The following TIAM1 variants were observed in gnomAD, a reference collection of about 807,000 sequenced individuals.
TIAM1 encodes TIAM Rac1 associated GEF 1.
A neutral mutation model predicts 163.5 loss-of-function variants in TIAM1; 65 were observed. The ratio of observed to expected loss-of-function variants is 0.40; its 90% CI spans 0.33 to 0.49. TIAM1 has a LOEUF of 0.49. TIAM1 is among the 20% of genes least tolerant of loss of function. The pLI, the probability that TIAM1 is intolerant of heterozygous loss-of-function variation, is 0.77. For missense variants in TIAM1, 1,789 were observed against 2,044.7 expected (o/e 0.87, Z 2.41); for synonymous variants, 833 against 810.1 (o/e 1.03, Z -0.48).
intron 18 of TIAM1, 50 bp from the exon 19 acceptor site, chr21:31,152,811 A>G: frequency 6.3e-7 from 1 of 1,593,292 alleles, no homozygotes; most frequent in Non-Finnish European, 8.5e-7. Flanking sequence ...TAGTCTTCCT[A>G]AACGTTATTT....
chr21:31,125,767 G>T (rs1014035114), intron 26 of TIAM1, among the ~76,000 whole-genome samples: 2 of 152,170 alleles, frequency 1.3e-5, no homozygotes, highest in Admixed American at 6.5e-5. Context: ...TGGAGACGGG[G>T]CTTTGCCATG....
At chr21:31,482,340 C>T (rs1336600575) in intron 1 of TIAM1, among the ~76,000 whole-genome samples, 1 of 151,986 alleles carries the variant, frequency 6.6e-6, no homozygotes, top group Admixed American at 6.6e-5. Context: ...ATAGTAGAGA[C>T]AGGGTTTCAC....
chr21:31,155,509 C>CTT (rs58016661), intron 16 of TIAM1, among the ~76,000 whole-genome samples: 2 of 146,932 alleles, frequency 1.4e-5, no homozygotes, highest in Admixed American at 1.4e-4. Context: ...AATTTTCTTA[C>CTT]TTTTTTTTTT....
At chr21:31,247,516 T>G (rs775197940) in intron 5 of TIAM1, among the ~76,000 whole-genome samples, 7 of 151,862 alleles carry the variant, frequency 4.6e-5, no homozygotes, top group Non-Finnish European at 1.0e-4. Flanking sequence ...TATCTCAGCC[T>G]CCCAAATAGC....
chr21:31,491,954 A>G (rs2046482123), intron 1 of TIAM1, among the ~76,000 whole-genome samples: 1 of 152,260 alleles, frequency 6.6e-6, no homozygotes, highest in Non-Finnish European at 1.5e-5. Flanking sequence ...CTGACTGGAT[A>G]GAAAATTTCT....
At chr21:31,451,760 T>TGTGTGTGTGA (rs1491328799) in intron 2 of TIAM1, among the ~76,000 whole-genome samples, 28 of 138,118 alleles carry the variant, frequency 2.0e-4, no homozygotes, top group African/African-American at 8.2e-4. Flanking sequence ...TGTGTGTGTG[T>TGTGTGTGTGA]GAGACACAGA....
At chr21:31,539,629 G>A (rs1035086639) in intron 1 of TIAM1, among the ~76,000 whole-genome samples, 8 of 152,092 alleles carry the variant, frequency 5.3e-5, no homozygotes, top group Non-Finnish European at 8.8e-5. Flanking sequence ...TGGACACTCC[G>A]GACTGCTTCA....
intron 2 of TIAM1, among the ~76,000 whole-genome samples, chr21:31,401,201 T>C (rs1241631793): frequency 6.6e-6 from 1 of 152,208 alleles, no homozygotes; most frequent in Non-Finnish European, 1.5e-5. Context: ...CTAAGTTAAT[T>C]CAAAAGCATG....
At chr21:31,282,347 C>T (rs1174797460) in intron 2 of TIAM1, among the ~76,000 whole-genome samples, 4 of 152,174 alleles carry the variant, frequency 2.6e-5, no homozygotes, top group Admixed American at 2.6e-4. Flanking sequence ...TTTTTAAAAA[C>T]CGCAATTCAG....
intron 1 of TIAM1, among the ~76,000 whole-genome samples, chr21:31,481,176 C>A (rs992167359): frequency 1.3e-5 from 2 of 152,166 alleles, no homozygotes; most frequent in Non-Finnish European, 2.9e-5. Context: ...TTTCTGTGTC[C>A]TCACATGGCC....
At chr21:31,210,237 G>A (rs1343503792) in intron 10 of TIAM1, 22 bp from the exon 11 acceptor site, 1 of 1,611,550 alleles carries the variant, frequency 6.2e-7, no homozygotes, top group South Asian at 1.1e-5. Flanking sequence ...AATAAAGTTA[G>A]CAGGGCAGCA....
chr21:31,229,875 A>T (rs996836760), intron 6 of TIAM1, among the ~76,000 whole-genome samples: 1 of 151,862 alleles, frequency 6.6e-6, no homozygotes, highest in Non-Finnish European at 1.5e-5. Flanking sequence ...CTGGTCTCGA[A>T]CTCCTGACCT....
chr21:31,347,685 G>A (rs1044081750), upstream of TIAM1, among the ~76,000 whole-genome samples: 10 of 152,122 alleles, frequency 6.6e-5, no homozygotes, highest in South Asian at 4.1e-4. Flanking sequence ...TGGGAATGAC[G>A]CTAAATGATA....
chr21:31,483,483 G>T (rs568917867), intron 1 of TIAM1, among the ~76,000 whole-genome samples: 2 of 152,156 alleles, frequency 1.3e-5, no homozygotes, highest in African/African-American at 4.8e-5. Context: ...AACATGGTGA[G>T]ACTCATTTTT....
chr21:31,435,437 G>T (rs375081479), intron 2 of TIAM1, among the ~76,000 whole-genome samples: 7 of 152,238 alleles, frequency 4.6e-5, no homozygotes, highest in African/African-American at 9.6e-5. Context: ...GGAAATTGAT[G>T]AATCTAATTT....
intron 2 of TIAM1, among the ~76,000 whole-genome samples, chr21:31,355,177 A>ACC (rs2076295270): frequency 2.0e-5 from 3 of 151,218 alleles, no homozygotes; most frequent in Admixed American, 1.3e-4. Context: ...CACCACCAAA[A>ACC]AAAAAAAAAA....
chr21:31,246,084 T>C (rs2071487375), intron 5 of TIAM1, among the ~76,000 whole-genome samples: 1 of 152,328 alleles, frequency 6.6e-6, no homozygotes, highest in African/African-American at 2.4e-5. Flanking sequence ...TCGTATGATA[T>C]GCAACCAGAA....
intron 2 of TIAM1, among the ~76,000 whole-genome samples, chr21:31,310,072 C>T (rs929473215): frequency 6.6e-6 from 1 of 152,214 alleles, no homozygotes; most frequent in Non-Finnish European, 1.5e-5. Context: ...GGCAGAGATG[C>T]TAAATCAATT....
intron 1 of TIAM1, among the ~76,000 whole-genome samples, chr21:31,520,646 G>A (rs562924777): frequency 2.0e-5 from 3 of 152,288 alleles, no homozygotes; most frequent in South Asian, 4.1e-4. Context: ...ATGAATGATC[G>A]CAAAGCGAAA....
Sources: gnomAD v4.1 joint callset for allele counts (sites outside exome capture counted in the v4.1 genomes callset) on GRCh38, gnomAD v4.1.1 for gene constraint, MANE v1.5 for transcripts, NCBI Gene and HGNC (gene_info 2026-07-23, HGNC 2026-07-21) for gene names.